THOC2: variants seen among roughly 807,000 people sequenced by gnomAD.
THOC2 encodes THO complex subunit 2.
A neutral mutation model predicts 128.4 loss-of-function variants in THOC2; 10 were observed. The observed-to-expected ratio is 0.08, with a 90% CI of 0.05 to 0.13. THOC2 has a LOEUF of 0.13. Among genes scored for constraint, THOC2 ranks in the 10% least tolerant of loss-of-function variants. The probability of loss-of-function intolerance (pLI) is 1.00; values close to 1 mark genes in which losing one functional copy is unlikely to be tolerated. For synonymous variants in THOC2, 393 were observed against 396.9 expected, an observed-to-expected ratio of 0.99 and a Z score of 0.12; for missense variants, 535 against 1,155.7, an observed-to-expected ratio of 0.46 and a Z score of 7.79.
chrX:123,682,552 C>T (rs1012411667), intron 8 of THOC2, among the ~76,000 whole-genome samples: 2 of 112,119 alleles, frequency 1.8e-5, no homozygotes, highest in Non-Finnish European at 3.8e-5. Context: ...TTTACATCCT[C>T]ATATCCTTCA....
intron 38 of THOC2, chrX:123,603,176 C>T (rs747643537): frequency 5.0e-4 from 58 of 115,853 alleles, no homozygotes; most frequent in Admixed American, 2.9e-4. Flanking sequence ...AAAGGTGCCA[C>T]GTTACAAGAG....
At chrX:123,644,723 A>G in intron 14 of THOC2, 47 bp from the exon 15 acceptor site, 1 of 1,154,801 alleles carries the variant, frequency 8.7e-7, no homozygotes, top group South Asian at 1.9e-5. Flanking sequence ...AAACACTTAG[A>G]GGTTAATATA....
Position 123,678,720 on chromosome X carries a change from G to A in THOC2, c.769-6959C>T, listed in dbSNP as rs975703130. Among the ~76,000 whole-genome samples, 8 of 110,100 alleles carry A rather than the reference G, an allele frequency of 7.3e-5. No homozygotes were observed. The South Asian group carries it at 2.8e-3, about 38-fold the overall frequency. On this transcript the variant is annotated intron_variant, in intron 8 of 38. Transcript: ENST00000245838. ...TTCATTATAATCTTATGCAACCACC[G>A]TCATATATGTGGTCCATTGTTGACC... is the stretch of plus-strand genomic sequence containing the variant.
At chrX:123,723,434 T>C (rs900843053) in intron 1 of THOC2, among the ~76,000 whole-genome samples, 18 of 111,209 alleles carry the variant, frequency 1.6e-4, no homozygotes, top group African/African-American at 5.6e-4. Context: ...TAGTATATAC[T>C]CCACAAAAAC....
At chrX:123,653,400 C>A (rs1361964767) in intron 12 of THOC2, among the ~76,000 whole-genome samples, 1 of 111,901 alleles carries the variant, frequency 8.9e-6, no homozygotes, top group Non-Finnish European at 1.9e-5. Flanking sequence ...AAAGCAATGG[C>A]AACAAAAGCC....
intron 12 of THOC2, among the ~76,000 whole-genome samples, chrX:123,659,509 T>G (rs1320889824): frequency 8.9e-6 from 1 of 111,878 alleles, no homozygotes; most frequent in Admixed American, 9.4e-5. Flanking sequence ...AGGCGGAGGT[T>G]GCAGTGAGCC....
intron 8 of THOC2, among the ~76,000 whole-genome samples, chrX:123,676,573 G>A (rs973353531): frequency 3.6e-5 from 4 of 112,304 alleles, no homozygotes; most frequent in Non-Finnish European, 7.5e-5. Flanking sequence ...TTTCCACTTC[G>A]TTATGTTGTT....
At chrX:123,713,243 C>T (rs867571888) in intron 1 of THOC2, among the ~76,000 whole-genome samples, 3 of 111,307 alleles carry the variant, frequency 2.7e-5, no homozygotes, top group Non-Finnish European at 3.8e-5. Context: ...AAGGCCAAGG[C>T]GGGAGGATTG....
intron 22 of THOC2, among the ~76,000 whole-genome samples, chrX:123,628,292 G>T (rs2047340572): frequency 9.0e-6 from 1 of 111,431 alleles, no homozygotes; most frequent in South Asian, 3.8e-4. Context: ...TCTTGCTGCT[G>T]TATCAGGGAT....
At chrX:123,689,703 A>C (rs2050141619) in intron 7 of THOC2, among the ~76,000 whole-genome samples, 1 of 112,088 alleles carries the variant, frequency 8.9e-6, no homozygotes, top group African/African-American at 3.2e-5. Context: ...TGCAAGCATG[A>C]GCCACCATGC....
At chrX:123,614,340 G>T in intron 33 of THOC2, 151 bp from the exon 34 acceptor site, 1 of 408,416 alleles carries the variant, frequency 2.4e-6, no homozygotes, top group Non-Finnish European at 3.9e-6. Context: ...AAAAGGGCAT[G>T]GCACAAATTA....
chrX:123,663,087 C>T (rs1269945136), intron 12 of THOC2, among the ~76,000 whole-genome samples: 1 of 111,834 alleles, frequency 8.9e-6, no homozygotes, highest in Non-Finnish European at 1.9e-5. Context: ...TCATATGACC[C>T]ATCAATCCCA....
chrX:123,713,743 G>A (rs1477714421), intron 1 of THOC2, among the ~76,000 whole-genome samples: 1 of 109,163 alleles, frequency 9.2e-6, no homozygotes, highest in Non-Finnish European at 1.9e-5. Flanking sequence ...AGCTACTCGG[G>A]AGGCTGGGGT....
At chrX:123,699,622 G>A (rs1198857323) in intron 4 of THOC2, among the ~76,000 whole-genome samples, 1 of 110,250 alleles carries the variant, frequency 9.1e-6, no homozygotes, top group Non-Finnish European at 1.9e-5. Context: ...TATGCTCCAG[G>A]GCCCTAAAGT....
intron 15 of THOC2, 119 bp downstream of exon 15, chrX:123,644,456 C>A: frequency 2.2e-6 from 1 of 446,583 alleles, no homozygotes; most frequent in Non-Finnish European, 3.7e-6. Flanking sequence ...TATAAATCAG[C>A]TATACCATTC....
At chrX:123,701,515 G>A (rs1199387471) in intron 4 of THOC2, among the ~76,000 whole-genome samples, 2 of 111,011 alleles carry the variant, frequency 1.8e-5, no homozygotes, top group African/African-American at 6.5e-5. Flanking sequence ...AGTCAATAAA[G>A]AAATTACTAG....
At chrX:123,725,530 T>G (rs2147995462) in intron 1 of THOC2, among the ~76,000 whole-genome samples, 1 of 101,006 alleles carries the variant, frequency 9.9e-6, no homozygotes, top group Admixed American at 1.1e-4. Context: ...CACTTGAGCC[T>G]GCAGGTCGAG....
chrX:123,656,862 T>C (rs1474036504), intron 12 of THOC2, among the ~76,000 whole-genome samples: 1 of 109,167 alleles, frequency 9.2e-6, no homozygotes, highest in Non-Finnish European at 1.9e-5. Flanking sequence ...ATAGAAAAAT[T>C]AGCTGGGTGT....
In THOC2 at chrX:123,602,345, T is replaced by C. The variant is rs2046310964; in HGVS notation, c.*19-1007A>G. The C allele has an allele frequency of 2.7e-5, 3 of 112,512 alleles. No homozygotes were observed. In the Admixed American group the frequency reaches 2.8e-4, roughly 11 times the overall value. The allele number at this position is 112,512 out of a possible 1,213,427, so 9.3% of individuals were successfully genotyped here. A position where few individuals can be genotyped will look rare whatever the true frequency, so the allele number is the denominator to read the frequency against. On this transcript the variant is annotated intron_variant, in intron 38 of 38. Transcript: ENST00000245838. ...TTGTTCCTGTCCATTAATTGCTGAATGGATAAATAAAATGTGGTACACACT... is the reference window on the plus strand; with the variant it reads ...TTGTTCCTGTCCATTAATTGCTGAACGGATAAATAAAATGTGGTACACACT...
Sources: gnomAD v4.1 joint callset for allele counts (sites outside exome capture counted in the v4.1 genomes callset) on GRCh38, gnomAD v4.1.1 for gene constraint, MANE v1.5 for transcripts, NCBI Gene and HGNC (gene_info 2026-07-23, HGNC 2026-07-21) for gene names.